The following CDH13 variants were observed in gnomAD, a reference collection of about 807,000 sequenced individuals.
CDH13 encodes the protein cadherin 13.
In CDH13, 24 loss-of-function variants were observed where a neutral mutation model predicts 63.8. The ratio of observed to expected loss-of-function variants is 0.38; its 90% CI spans 0.27 to 0.53. The LOEUF is 0.53. CDH13 is among the 20% of genes least tolerant of loss of function. The pLI is 0.85. For synonymous variants in CDH13, 503 were observed against 355.3 expected (o/e 1.42, Z -4.67); for missense variants, 1,049 against 903.1 (o/e 1.16, Z -2.07).
intron 1 of CDH13, among the ~76,000 whole-genome samples, chr16:82,774,588 C>G (rs1041065724): frequency 1.4e-4 from 22 of 152,224 alleles, no homozygotes; most frequent in Admixed American, 1.4e-3. Context: ...GTGCTCATCT[C>G]TGTGCCATGT....
intron 5 of CDH13, among the ~76,000 whole-genome samples, chr16:83,299,502 G>A (rs1412892922): frequency 2.0e-5 from 3 of 152,100 alleles, no homozygotes; most frequent in African/African-American, 4.8e-5. Flanking sequence ...CTTTTCCGTG[G>A]CATGTCATTC....
chr16:82,700,751 A>T (rs528311362), intron 1 of CDH13, among the ~76,000 whole-genome samples: 4 of 152,104 alleles, frequency 2.6e-5, no homozygotes, highest in Non-Finnish European at 5.9e-5. Flanking sequence ...AAAGGATTTC[A>T]GTGATTATGT....
intron 4 of CDH13, among the ~76,000 whole-genome samples, chr16:83,202,758 A>G (rs2039068228): frequency 6.6e-6 from 1 of 152,220 alleles, no homozygotes; most frequent in African/African-American, 2.4e-5. Context: ...GAATAGTGCC[A>G]GGTTCATAAT....
At chr16:82,889,859 G>A (rs11150514) in intron 2 of CDH13, among the ~76,000 whole-genome samples, 1 of 152,040 alleles carries the variant, frequency 6.6e-6, no homozygotes, top group Non-Finnish European at 1.5e-5. Context: ...TAGGATTTTC[G>A]AGTGGGAAGA....
At chr16:83,755,328 T>G (rs940587911) in intron 11 of CDH13, among the ~76,000 whole-genome samples, 1 of 152,068 alleles carries the variant, frequency 6.6e-6, no homozygotes, top group Non-Finnish European at 1.5e-5. Flanking sequence ...AAAAGACTAG[T>G]GTGTGGAATT....
intron 5 of CDH13, among the ~76,000 whole-genome samples, chr16:83,318,718 A>G (rs1218909517): frequency 6.6e-6 from 1 of 152,114 alleles, no homozygotes; most frequent in South Asian, 2.1e-4. Flanking sequence ...TCCAGTATGT[A>G]TTTCTGAGTC....
chr16:83,528,681 T>A (rs865798012), intron 7 of CDH13, among the ~76,000 whole-genome samples: 6 of 152,242 alleles, frequency 3.9e-5, no homozygotes, highest in African/African-American at 1.2e-4. Flanking sequence ...TATCTCTAAA[T>A]TCTCTGACAG....
intron 5 of CDH13, among the ~76,000 whole-genome samples, chr16:83,284,990 C>T (rs1369738274): frequency 1.3e-5 from 2 of 152,190 alleles, no homozygotes; most frequent in African/African-American, 4.8e-5. Context: ...TATACACACT[C>T]TCCCTGCACA....
intron 2 of CDH13, among the ~76,000 whole-genome samples, chr16:83,000,674 G>C (rs1912823742): frequency 6.7e-6 from 1 of 150,334 alleles, no homozygotes; most frequent in East Asian, 2.0e-4. Context: ...CCGCCTCCTG[G>C]GTTCACGCCA....
chr16:83,137,316 C>T (rs999500237), intron 4 of CDH13, among the ~76,000 whole-genome samples: 1 of 152,124 alleles, frequency 6.6e-6, no homozygotes, highest in Non-Finnish European at 1.5e-5. Context: ...AGTCACTCTC[C>T]TAAGGCTGGA....
chr16:82,860,388 T>TGGGGGGGGGGGGGGGGGGGGGG (rs368818163), intron 2 of CDH13, among the ~76,000 whole-genome samples: 1 of 63,076 alleles, frequency 1.6e-5, no homozygotes, highest in African/African-American at 6.3e-5. Flanking sequence ...TGTGTGTGTG[T>TGGGGGGGGGGGGGGGGGGGGGG]GGGGGGGGGG....
chr16:83,021,858 C>G (rs1163816226), intron 2 of CDH13, among the ~76,000 whole-genome samples: 1 of 152,164 alleles, frequency 6.6e-6, no homozygotes, highest in Non-Finnish European at 1.5e-5. Context: ...GCCCAATACG[C>G]ATGTTCAGGA....
rs549354764 is a variant in CDH13 at position 82,772,619 on chromosome 16, G to A, written c.46-85743G>A. The stretch of plus-strand genomic sequence containing the variant: ...AGCTACTGAATACTTGCACTGCCAG[G>A]CACTGAGCTAGATGCTTTACTTTGG... On this transcript the variant is annotated intron_variant, in intron 1 of 13. Transcript: ENST00000567109. 3.9e-5 allele frequency among the ~76,000 whole-genome samples: 6 copies of A among 152,322 alleles called. No individual in the cohort carries two copies. In the South Asian group the frequency reaches 1.2e-3, roughly 32 times the overall value.
intron 3 of CDH13, among the ~76,000 whole-genome samples, chr16:83,098,834 T>C (rs9989426): frequency 0.016 from 2,412 of 152,266 alleles, 49 homozygotes; most frequent in African/African-American, 0.055. Context: ...AGAAACATTT[T>C]TGAGTGGAGA....
At chr16:83,161,647 G>C (rs1335442687) in intron 4 of CDH13, among the ~76,000 whole-genome samples, 1 of 151,958 alleles carries the variant, frequency 6.6e-6, no homozygotes, top group Non-Finnish European at 1.5e-5. Context: ...CCCCCGCCTT[G>C]ACTGTGCATG....
Position 83,194,053 on chromosome 16 carries a change from A to T in CDH13, c.484-23292A>T, listed in dbSNP as rs545163709. On this transcript the variant is annotated intron_variant, in intron 4 of 13. Transcript: ENST00000567109. Reference sequence around the variant, plus strand: ...CACAGGATGCTTTTCTCTACTTCTGAGTGTTTATAGTTTCAGTGATTCTGT... The same window carrying T: ...CACAGGATGCTTTTCTCTACTTCTGTGTGTTTATAGTTTCAGTGATTCTGT... Among the ~76,000 whole-genome samples the T allele has an allele frequency of 4.8e-4, 73 of 152,290 alleles. 2 individuals carry two copies. The South Asian group carries it at 0.013, about 28-fold the overall frequency.
At chr16:82,738,351 A>C (rs1225465031) in intron 1 of CDH13, among the ~76,000 whole-genome samples, 2 of 152,222 alleles carry the variant, frequency 1.3e-5, no homozygotes, top group African/African-American at 4.8e-5. Flanking sequence ...TGTTCCTGTC[A>C]AACTCTAGGA....
At chr16:83,487,225 G>C (rs1157715740) in intron 7 of CDH13, among the ~76,000 whole-genome samples, 1 of 152,228 alleles carries the variant, frequency 6.6e-6, no homozygotes, top group Non-Finnish European at 1.5e-5. Flanking sequence ...GGCCCAGTCA[G>C]TCCACATGCC....
At chr16:83,494,290 GTTCTT>G (rs148622106) in intron 7 of CDH13, among the ~76,000 whole-genome samples, 94 of 152,142 alleles carry the variant, frequency 6.2e-4, no homozygotes, top group African/African-American at 2.2e-3. Flanking sequence ...TTTGGAAAAA[GTTCTT>G]TTCGAGAGCT....
Sources: allele counts gnomAD v4.1 joint callset (sites outside exome capture counted in the v4.1 genomes callset), GRCh38; gene constraint gnomAD v4.1.1; transcripts MANE v1.5; gene names NCBI Gene and HGNC (gene_info 2026-07-23, HGNC 2026-07-21).